Variants in PKIB observed in about 807,000 individuals in gnomAD.
PKIB encodes the protein cAMP-dependent protein kinase inhibitor beta, also known as PKI-beta.
PKIB carries 2 observed loss-of-function variants against 4.5 expected under a neutral mutation model. The observed-to-expected ratio is 0.44, with a 90% CI of 0.18 to 1.39. The LOEUF is 1.39. Among genes scored for constraint, PKIB ranks in the 40% most tolerant of loss-of-function variants. The pLI is 0.27. For missense variants in PKIB, 94 were observed against 92.6 expected (o/e 1.02, Z -0.06); for synonymous variants, 38 against 36.0 (o/e 1.06, Z -0.20).
chr6:122,580,541 A>G (rs1773672410), intron 2 of PKIB, among the ~76,000 whole-genome samples: 1 of 152,164 alleles, frequency 6.6e-6, no homozygotes. Flanking sequence ...GCATAATATT[A>G]AAGTGAATTG....
Position 122,725,743 on chromosome 6 carries a change from T to A in PKIB, c.*548T>A, listed in dbSNP as rs1256448038. On this transcript the variant is annotated 3_prime_UTR_variant, in exon 5 of 5. Coordinates refer to ENST00000368452, the MANE Select transcript of PKIB (RefSeq NM_181795.3). The stretch of plus-strand genomic sequence containing the variant: ...TCTTGGAAAAATTGTAAAAGTTTGA[T>A]AACAGAAACATCTTTAGGATATTTT... 1 of 152,230 alleles carries A rather than the reference T, an allele frequency of 6.6e-6. No individual in the cohort carries two copies. The highest frequency in any genetic ancestry group is 2.4e-5 in the African/African-American group (1 of 41,462). The allele number at this position is 152,230 out of a possible 1,614,324, so 9.4% of individuals were successfully genotyped here.
At chr6:122,515,395 A>G (rs996031181) in intron 2 of PKIB, among the ~76,000 whole-genome samples, 1 of 152,204 alleles carries the variant, frequency 6.6e-6, no homozygotes, top group Non-Finnish European at 1.5e-5. Context: ...TAATTTATAA[A>G]ACAGAAGCTC....
At chr6:122,526,805 A>G (rs535333852) in intron 2 of PKIB, among the ~76,000 whole-genome samples, 4 of 152,242 alleles carry the variant, frequency 2.6e-5, no homozygotes, top group African/African-American at 9.6e-5. Context: ...GTTTCTAGCT[A>G]AAGTTACCAG....
intron 3 of PKIB, among the ~76,000 whole-genome samples, chr6:122,709,523 C>A (rs1210846111): frequency 6.6e-6 from 1 of 150,846 alleles, no homozygotes. Flanking sequence ...CTATAAAATA[C>A]GTTATATTTT....
At chr6:122,638,844 T>C (rs1467019619) in intron 2 of PKIB, among the ~76,000 whole-genome samples, 1 of 152,188 alleles carries the variant, frequency 6.6e-6, no homozygotes, top group African/African-American at 2.4e-5. Context: ...GTTATATCCC[T>C]GGCAGATTCA....
chr6:122,528,538 G>A (rs1002300161), intron 2 of PKIB, among the ~76,000 whole-genome samples: 1 of 152,114 alleles, frequency 6.6e-6, no homozygotes, highest in African/African-American at 2.4e-5. Flanking sequence ...CTGCCATCTT[G>A]CTGTATCCTC....
At chr6:122,695,915 TA>T (rs1778552195) in intron 3 of PKIB, among the ~76,000 whole-genome samples, 1 of 152,146 alleles carries the variant, frequency 6.6e-6, no homozygotes, top group African/African-American at 2.4e-5. Flanking sequence ...ATATTGCATA[TA>T]AAGCCATGTA....
intron 3 of PKIB, among the ~76,000 whole-genome samples, chr6:122,684,841 T>C (rs1253325480): frequency 6.6e-6 from 1 of 152,184 alleles, no homozygotes; most frequent in Admixed American, 6.5e-5. Flanking sequence ...ATAGCATTGA[T>C]TAATTTGGCT....
intron 2 of PKIB, among the ~76,000 whole-genome samples, chr6:122,533,113 C>T (rs900499132): frequency 3.3e-5 from 5 of 151,930 alleles, no homozygotes; most frequent in African/African-American, 1.2e-4. Flanking sequence ...TGCCTTTTCA[C>T]TCTCCTGATA....
intron 2 of PKIB, among the ~76,000 whole-genome samples, chr6:122,638,440 C>G (rs1016109541): frequency 2.2e-4 from 33 of 152,110 alleles, no homozygotes; most frequent in Non-Finnish European, 8.8e-5. Flanking sequence ...CACATCCAGC[C>G]CCTATCCATG....
At chr6:122,685,970 G>T (rs36048541) in intron 3 of PKIB, among the ~76,000 whole-genome samples, 23,625 of 152,142 alleles carry the variant, frequency 0.16, 2,370 homozygotes, top group Middle Eastern at 0.22. Flanking sequence ...CATCCATGTT[G>T]TTGCAAACGA....
intron 2 of PKIB, among the ~76,000 whole-genome samples, chr6:122,508,414 C>G (rs1776483578): frequency 6.6e-6 from 1 of 152,086 alleles, no homozygotes; most frequent in Admixed American, 6.6e-5. Flanking sequence ...TGTACAATGT[C>G]CTTGGCCTGA....
At chr6:122,584,086 G>T (rs1384570949) in intron 2 of PKIB, among the ~76,000 whole-genome samples, 1 of 152,096 alleles carries the variant, frequency 6.6e-6, no homozygotes, top group Non-Finnish European at 1.5e-5. Context: ...ATTAAGGATT[G>T]TGAGTGAGGC....
chr6:122,671,655 A>G (rs1777467626), intron 2 of PKIB, among the ~76,000 whole-genome samples: 1 of 152,228 alleles, frequency 6.6e-6, no homozygotes, highest in Non-Finnish European at 1.5e-5. Context: ...AGGCTGACTT[A>G]TACAAGTTCA....
At chr6:122,651,373 T>C (rs1212692719) in intron 2 of PKIB, among the ~76,000 whole-genome samples, 1 of 152,100 alleles carries the variant, frequency 6.6e-6, no homozygotes, top group South Asian at 2.1e-4. Flanking sequence ...GGTACTTGAG[T>C]CTTGTTATAA....
chr6:122,526,611 T>A (rs528939944), intron 2 of PKIB, among the ~76,000 whole-genome samples: 6 of 152,068 alleles, frequency 3.9e-5, no homozygotes, highest in Non-Finnish European at 7.4e-5. Flanking sequence ...GATCAGTGGG[T>A]CTCAACAATG....
intron 3 of PKIB, among the ~76,000 whole-genome samples, chr6:122,702,657 C>G (rs1467492717): frequency 6.6e-6 from 1 of 151,952 alleles, no homozygotes. Context: ...TCTCAGAACC[C>G]CAAATCACGA....
chr6:122,493,566 G>A (rs989517535), intron 2 of PKIB: 1 of 152,166 alleles, frequency 6.6e-6, no homozygotes, highest in Non-Finnish European at 1.5e-5. Context: ...ATCTGAAGCT[G>A]TGCTTTTCAG....
At chr6:122,565,926 A>T (rs1773176528) in intron 2 of PKIB, among the ~76,000 whole-genome samples, 1 of 152,114 alleles carries the variant, frequency 6.6e-6, no homozygotes, top group African/African-American at 2.4e-5. Flanking sequence ...TACCACTTTT[A>T]CCTCTGTTTT....
Sources: gnomAD v4.1 joint callset for allele counts (sites outside exome capture counted in the v4.1 genomes callset) on GRCh38, gnomAD v4.1.1 for gene constraint, MANE v1.5 for transcripts, NCBI Gene and HGNC (gene_info 2026-07-23, HGNC 2026-07-21) for gene names.